The following RAI14 variants were observed in gnomAD, a reference collection of about 807,000 sequenced individuals.
RAI14 encodes the protein ankycorbin.
RAI14 carries 45 observed loss-of-function variants against 115.4 expected under a neutral mutation model. That is an observed-to-expected ratio of 0.39 (90% confidence interval 0.31 to 0.50). The LOEUF is 0.50. Ranked by LOEUF, RAI14 falls within the 20% of genes least tolerant of loss-of-function variation. The pLI is 0.85. For missense variants in RAI14, 939 were observed against 1,131.2 expected, an observed-to-expected ratio of 0.83 and a Z score of 2.44; for synonymous variants, 371 against 415.4, an observed-to-expected ratio of 0.89 and a Z score of 1.30.
intron 5 of RAI14, 31 bp downstream of exon 5, chr5:34,803,807 G>C: frequency 6.3e-7 from 1 of 1,580,824 alleles, no homozygotes; most frequent in Non-Finnish European, 8.7e-7. Context: ...AATTATAAAT[G>C]TGTCGGTTTT....
chr5:34,786,046 A>C (rs985381880), intron 3 of RAI14, among the ~76,000 whole-genome samples: 1 of 152,244 alleles, frequency 6.6e-6, no homozygotes, highest in Non-Finnish European at 1.5e-5. Context: ...TTTGTGCAGC[A>C]TACATCTGTG....
Position 34,664,318 on chromosome 5 carries a change from C to A in RAI14, c.-49+7843C>A, listed in dbSNP as rs147864936. 5.7e-3 allele frequency among the ~76,000 whole-genome samples: 867 copies of A among 151,018 alleles called. 8 individuals are homozygous for A. The highest frequency in any genetic ancestry group is 0.02 in the African/African-American group (838 of 41,136). ...CAGTCTGGGCAACATGGCACAAAAC[C>A]CCATATCTACTTTAAAAAAAAAAAG... On this transcript the variant is annotated intron_variant, in intron 1 of 17. Transcript: ENST00000265109.
intron 3 of RAI14, among the ~76,000 whole-genome samples, chr5:34,773,609 T>G (rs562526983): frequency 6.6e-6 from 1 of 152,134 alleles, no homozygotes; most frequent in South Asian, 2.1e-4. Context: ...GAATAGATAT[T>G]TCTCAAAAAA....
intron 1 of RAI14, among the ~76,000 whole-genome samples, chr5:34,670,357 CT>C (rs774228491): frequency 1.6e-4 from 25 of 152,314 alleles, no homozygotes; most frequent in Middle Eastern, 3.4e-3. Flanking sequence ...GCTAAATAAA[CT>C]TTCTCTGCTG....
intron 2 of RAI14, among the ~76,000 whole-genome samples, chr5:34,747,116 A>G (rs1192494494): frequency 2.0e-5 from 3 of 152,136 alleles, no homozygotes; most frequent in Non-Finnish European, 4.4e-5. Flanking sequence ...CAGCGTGAAA[A>G]CCAACTAATA....
At chr5:34,797,361 G>C (rs1278615790) in intron 4 of RAI14, among the ~76,000 whole-genome samples, 2 of 151,950 alleles carry the variant, frequency 1.3e-5, no homozygotes. Context: ...GTTGGGAACA[G>C]GTTTAGAATT....
At chr5:34,742,286 G>T (rs9292560) in intron 2 of RAI14, among the ~76,000 whole-genome samples, 1 of 151,990 alleles carries the variant, frequency 6.6e-6, no homozygotes, top group Non-Finnish European at 1.5e-5. Flanking sequence ...TGTGCTGAGT[G>T]GTGTGAGTGC....
At chr5:34,726,923 T>C (rs187519784) in intron 2 of RAI14, among the ~76,000 whole-genome samples, 4 of 152,320 alleles carry the variant, frequency 2.6e-5, no homozygotes, top group Admixed American at 2.6e-4. Context: ...AACAGACTAA[T>C]ACAGTAAGTT....
intron 2 of RAI14, among the ~76,000 whole-genome samples, chr5:34,732,055 A>G (rs1744252263): frequency 2.0e-5 from 3 of 152,218 alleles, no homozygotes; most frequent in South Asian, 4.1e-4. Context: ...GGCCCTGGAA[A>G]TGGGAGTGGC....
chr5:34,674,256 A>G (rs1743816351), intron 1 of RAI14, among the ~76,000 whole-genome samples: 1 of 152,236 alleles, frequency 6.6e-6, no homozygotes, highest in South Asian at 2.1e-4. Flanking sequence ...TAACATATTT[A>G]TATATTCCTT....
Position 34,777,048 on chromosome 5 carries a change from G to A in RAI14, c.168-18891G>A, listed in dbSNP as rs115234817. Among the ~76,000 whole-genome samples the A allele has an allele frequency of 2.5e-3, 371 of 151,220 alleles. 2 individuals carry two copies. The highest frequency in any genetic ancestry group is 8.2e-3 in the African/African-American group (339 of 41,152). On this transcript the variant is annotated intron_variant, in intron 3 of 17. Transcript: ENST00000265109. ...TAGCCAGGCATAGTGGCATGCACCC[G>A]TAATACCAGCAGGAGGCTGAGGCAG...
intron 2 of RAI14, among the ~76,000 whole-genome samples, chr5:34,702,058 C>CTGG: frequency 6.6e-6 from 1 of 152,304 alleles, no homozygotes; most frequent in East Asian, 1.9e-4. Flanking sequence ...AAGTGATTCA[C>CTGG]CGGCCTTGGC....
intron 1 of RAI14, among the ~76,000 whole-genome samples, chr5:34,657,423 C>A (rs1742361407): frequency 6.6e-6 from 1 of 152,178 alleles, no homozygotes; most frequent in Non-Finnish European, 1.5e-5. Flanking sequence ...GCAGATGCAG[C>A]CCAGCACAGC....
intron 2 of RAI14, among the ~76,000 whole-genome samples, chr5:34,719,338 C>G (rs1377667521): frequency 5.3e-5 from 8 of 152,172 alleles, no homozygotes; most frequent in Admixed American, 2.0e-4. Flanking sequence ...TCATCCATCC[C>G]CTGTCATGGT....
At chr5:34,703,454 T>G in intron 2 of RAI14, among the ~76,000 whole-genome samples, 1 of 152,228 alleles carries the variant, frequency 6.6e-6, no homozygotes, top group East Asian at 1.9e-4. Context: ...TTTTATGTAT[T>G]ATTACTAAGA....
intron 3 of RAI14, among the ~76,000 whole-genome samples, chr5:34,793,272 G>C (rs544315207): frequency 3.3e-5 from 5 of 152,272 alleles, no homozygotes; most frequent in Admixed American, 3.3e-4. Flanking sequence ...ATCATTTGTA[G>C]AATATCATAA....
rs770116126 is a variant in RAI14 at position 34,821,772 on chromosome 5, A to G, written c.1035A>G (p.Gln345=). 9.9e-6 allele frequency: 16 copies of G among 1,612,582 alleles called. No individual in the cohort carries two copies. The Admixed American group carries it at 2.7e-4, about 27-fold the overall frequency. The part of the protein sequence containing the change: ...SLLDISSEAD[Q]QDLLSLLQAK... ...TGGATATAAGTTCTGAAGCTGACCA[A>G]CAAGATCTTCTCTCTCTATTGCAAG... is the stretch of plus-strand genomic sequence containing the variant. Residue 345 remains glutamine (Q), a synonymous_variant, in exon 14 of 18, where the codon CAA becomes CAG. Transcript: ENST00000265109.
chr5:34,677,028 T>C (rs1433433273), intron 1 of RAI14, among the ~76,000 whole-genome samples: 2 of 152,210 alleles, frequency 1.3e-5, no homozygotes, highest in East Asian at 3.8e-4. Flanking sequence ...TCATAACGTA[T>C]CTGGTTTGCT....
At chr5:34,786,996 A>C (rs1200312859) in intron 3 of RAI14, among the ~76,000 whole-genome samples, 1 of 152,262 alleles carries the variant, frequency 6.6e-6, no homozygotes, top group African/African-American at 2.4e-5. Flanking sequence ...AGTTATCTGC[A>C]TCAGGAACAT....
Sources: allele counts gnomAD v4.1 joint callset (sites outside exome capture counted in the v4.1 genomes callset), GRCh38; gene constraint gnomAD v4.1.1; transcripts MANE v1.5; gene names NCBI Gene and HGNC (gene_info 2026-07-23, HGNC 2026-07-21).